The following ERC2 variants were observed in gnomAD, a reference collection of about 807,000 sequenced individuals.
The protein encoded by ERC2 is ELKS/RAB6-interacting/CAST family member 2.
In ERC2, 42 loss-of-function variants were observed where a neutral mutation model predicts 114.8. That is an observed-to-expected ratio of 0.37 (90% confidence interval 0.29 to 0.47). The LOEUF (loss-of-function observed/expected upper bound fraction) is 0.47, where lower values mean the gene tolerates loss of function less well. ERC2 is among the 20% of genes least tolerant of loss of function. ERC2 has a pLI of 0.99. For missense variants in ERC2, 939 were observed against 1,150.7 expected, an observed-to-expected ratio of 0.82 and a Z score of 2.66; for synonymous variants, 454 against 425.5, an observed-to-expected ratio of 1.07 and a Z score of -0.82.
chr3:56,206,103 A>C (rs1333903720), intron 3 of ERC2, among the ~76,000 whole-genome samples: 1 of 152,070 alleles, frequency 6.6e-6, no homozygotes, highest in Non-Finnish European at 1.5e-5. Flanking sequence ...TGTCCTTATA[A>C]AACTAACTTC....
intron 17 of ERC2, among the ~76,000 whole-genome samples, chr3:55,524,750 A>G (rs181128878): frequency 2.0e-5 from 3 of 152,318 alleles, no homozygotes; most frequent in Non-Finnish European, 4.4e-5. Context: ...TATATTTTAC[A>G]TTCTTTCACA....
At chr3:55,815,172 G>C (rs372149413) in intron 14 of ERC2, among the ~76,000 whole-genome samples, 1 of 151,932 alleles carries the variant, frequency 6.6e-6, no homozygotes, top group East Asian at 1.9e-4. Flanking sequence ...TTCAATTAGG[G>C]TTCAAATATA....
At chr3:56,186,608 T>G (rs1041726638) in intron 3 of ERC2, among the ~76,000 whole-genome samples, 3 of 152,184 alleles carry the variant, frequency 2.0e-5, no homozygotes, top group Non-Finnish European at 4.4e-5. Context: ...CTCAGCTCAC[T>G]GCAACCTCTG....
chr3:56,086,615 G>A (rs2077518192), intron 6 of ERC2, among the ~76,000 whole-genome samples: 1 of 151,598 alleles, frequency 6.6e-6, no homozygotes, highest in Non-Finnish European at 1.5e-5. Flanking sequence ...ACTTCCACAT[G>A]GTGCAAAACC....
intron 5 of ERC2, among the ~76,000 whole-genome samples, chr3:56,147,377 G>A (rs924412261): frequency 2.6e-5 from 4 of 152,114 alleles, no homozygotes; most frequent in African/African-American, 9.7e-5. Context: ...CTTGATCCAC[G>A]TTTTCAGCAC....
At chr3:56,232,359 C>A (rs181190182) in intron 3 of ERC2, among the ~76,000 whole-genome samples, 4 of 152,256 alleles carry the variant, frequency 2.6e-5, no homozygotes, top group Non-Finnish European at 5.9e-5. Context: ...AAATAATCCT[C>A]TCTTACCTAG....
At chr3:55,914,673 G>A (rs979826526) in intron 13 of ERC2, among the ~76,000 whole-genome samples, 1 of 152,142 alleles carries the variant, frequency 6.6e-6, no homozygotes, top group African/African-American at 2.4e-5. Flanking sequence ...AGAAACAACT[G>A]GCCCATGCAT....
chr3:56,077,624 G>A (rs2077034948), intron 7 of ERC2, among the ~76,000 whole-genome samples: 1 of 152,170 alleles, frequency 6.6e-6, no homozygotes, highest in Non-Finnish European at 1.5e-5. Context: ...TATTCCTCAA[G>A]AATGAGCGCA....
intron 14 of ERC2, among the ~76,000 whole-genome samples, chr3:55,764,073 C>T (rs142779445): frequency 3.9e-5 from 6 of 152,252 alleles, no homozygotes; most frequent in Non-Finnish European, 8.8e-5. Flanking sequence ...CCACTGTTTG[C>T]GTTTCTGTAT....
intron 15 of ERC2, among the ~76,000 whole-genome samples, chr3:55,720,790 C>A (rs915635771): frequency 6.6e-6 from 1 of 152,122 alleles, no homozygotes; most frequent in African/African-American, 2.4e-5. Flanking sequence ...GGTATGGGAC[C>A]ACCATTCCTT....
At chr3:56,395,999 C>T (rs2060293013) in intron 2 of ERC2, among the ~76,000 whole-genome samples, 1 of 152,076 alleles carries the variant, frequency 6.6e-6, no homozygotes, top group African/African-American at 2.4e-5. Flanking sequence ...TAAAGAAATG[C>T]AAGTTAAAAT....
At chr3:56,075,814 C>T (rs1372618173) in intron 7 of ERC2, among the ~76,000 whole-genome samples, 1 of 152,178 alleles carries the variant, frequency 6.6e-6, no homozygotes, top group African/African-American at 2.4e-5. Flanking sequence ...GATGTTTAAA[C>T]ACTGAGAAAG....
chr3:56,318,262 C>T (rs1436496772), intron 2 of ERC2, among the ~76,000 whole-genome samples: 1 of 152,184 alleles, frequency 6.6e-6, no homozygotes, highest in East Asian at 1.9e-4. Context: ...TCATGGCTCA[C>T]TACAGCCTCA....
intron 15 of ERC2, among the ~76,000 whole-genome samples, chr3:55,705,423 A>G (rs2063430930): frequency 6.6e-6 from 1 of 152,202 alleles, no homozygotes; most frequent in African/African-American, 2.4e-5. Flanking sequence ...GGCTTCCTTC[A>G]TTCCTTTACT....
At chr3:56,421,798 G>A (rs1210205272) in intron 2 of ERC2, among the ~76,000 whole-genome samples, 2 of 151,944 alleles carry the variant, frequency 1.3e-5, no homozygotes, top group Non-Finnish European at 2.9e-5. Flanking sequence ...ATGTCTAGTA[G>A]GTATCATTAT....
intron 6 of ERC2, among the ~76,000 whole-genome samples, chr3:56,098,000 A>G (rs1024931104): frequency 6.6e-6 from 1 of 152,212 alleles, no homozygotes; most frequent in Non-Finnish European, 1.5e-5. Context: ...TACCAATTTT[A>G]TAGGGAGGGG....
chr3:56,333,509 T>C (rs2057721039), intron 2 of ERC2, among the ~76,000 whole-genome samples: 1 of 152,190 alleles, frequency 6.6e-6, no homozygotes, highest in Non-Finnish European at 1.5e-5. Flanking sequence ...AAAAGTAGAA[T>C]TCAAAACTAA....
At chr3:55,922,838 T>C (rs2065507803) in intron 13 of ERC2, among the ~76,000 whole-genome samples, 1 of 152,112 alleles carries the variant, frequency 6.6e-6, no homozygotes, top group Admixed American at 6.6e-5. Context: ...TCACCAGATA[T>C]TGGGGAGATG....
intron 17 of ERC2, among the ~76,000 whole-genome samples, chr3:55,632,988 C>T (rs909610018): frequency 2.0e-5 from 3 of 152,044 alleles, no homozygotes; most frequent in African/African-American, 7.3e-5. Flanking sequence ...TCCAGAGTAC[C>T]CATTGTCCAC....
Sources: allele counts gnomAD v4.1 joint callset (sites outside exome capture counted in the v4.1 genomes callset), GRCh38; gene constraint gnomAD v4.1.1; transcripts MANE v1.5; gene names NCBI Gene and HGNC (gene_info 2026-07-23, HGNC 2026-07-21).